Variants in XPOT observed in about 807,000 individuals in gnomAD.
XPOT encodes exportin for tRNA.
XPOT carries 34 observed loss-of-function variants against 128.2 expected under a neutral mutation model. The observed-to-expected ratio is 0.27, with a 90% CI of 0.20 to 0.35. The LOEUF (loss-of-function observed/expected upper bound fraction) is 0.35, where lower values mean the gene tolerates loss of function less well. Among genes scored for constraint, XPOT ranks in the 10% least tolerant of loss-of-function variants. The probability of loss-of-function intolerance (pLI) is 1.00; values close to 1 mark genes in which losing one functional copy is unlikely to be tolerated. For missense variants in XPOT, 838 were observed against 1,125.3 expected (o/e 0.74, Z 3.65); for synonymous variants, 348 against 394.3 (o/e 0.88, Z 1.39).
In XPOT at chr12:64,420,412, A is replaced by G; in HGVS notation, c.734A>G (p.Asp245Gly). ...GAAGTTCTACGGGAAGAAGCATGTGACTGTTTATTTGAAGTTGTAAATAAA... is the reference window on the plus strand; with the variant it reads ...GAAGTTCTACGGGAAGAAGCATGTGGCTGTTTATTTGAAGTTGTAAATAAA... ...SIEVLREEAC[D>G]CLFEVVNKGM... The change falls in exon 8 of 25, where the codon GAC (aspartate) becomes GGC (glycine). Residue 245 changes from aspartate (D) to glycine (G), a missense_variant. Around this residue, in one of 3 missense-constraint regions of XPOT, gnomAD observed 761 missense variants for 988.3 expected, o/e 0.77. Transcript: ENST00000332707. The G allele has an allele frequency of 6.2e-7, 1 of 1,613,860 alleles. No individual in the cohort carries two copies.
chr12:64,421,644 A>G (rs773008645), intron 9 of XPOT, among the ~76,000 whole-genome samples, 173 bp downstream of exon 9: 3 of 152,066 alleles, frequency 2.0e-5, no homozygotes, highest in Middle Eastern at 3.4e-3. Flanking sequence ...TTGGCCAGAA[A>G]ATAGTTTCAG....
In XPOT at chr12:64,410,108, G is replaced by A; in HGVS notation, c.60+13G>A. ...CTTTAGACAAAGGGTAAGTTACTCT[G>A]CTGAATCATTTTTTAATCATGTCAC... On this transcript the variant is annotated intron_variant, in intron 2 of 24. Coordinates refer to ENST00000332707, the MANE Select transcript of XPOT (RefSeq NM_007235.6). The A allele has an allele frequency of 6.2e-7, 1 of 1,612,858 alleles. No individual in the cohort carries two copies. Among genetic ancestry groups the A allele is most frequent in the South Asian group, 1.1e-5 (1 of 91,028 alleles).
In XPOT at chr12:64,431,735, C is replaced by G. The variant is rs556337697; in HGVS notation, c.2174C>G (p.Ser725Cys). ...LEEEVLPFIP[S>C]ASEHMLKDCE... ...GAAGAAGTTCTTCCGTTCATTCCATCTGCTTCAGAACATATGCTCAAAGAT... is the reference window on the plus strand; with the variant it reads ...GAAGAAGTTCTTCCGTTCATTCCATGTGCTTCAGAACATATGCTCAAAGAT... The change falls in exon 18 of 25, where the codon TCT (serine) becomes TGT (cysteine). Residue 725 changes from serine (S) to cysteine (C), a missense_variant. Physicochemically the swap from Ser to Cys is moderately radical, Grantham distance 112 (BLOSUM62 -1). Transcript: ENST00000332707. 77 of 1,614,098 alleles carry G rather than the reference C, an allele frequency of 4.8e-5. 1 individual carries two copies. The South Asian group carries it at 7.9e-4, about 17-fold the overall frequency.
At chr12:64,437,378 C>T (rs1312986573) in intron 22 of XPOT, among the ~76,000 whole-genome samples, 4 of 152,168 alleles carry the variant, frequency 2.6e-5, no homozygotes, top group Non-Finnish European at 4.4e-5. Context: ...GCAATCTAAG[C>T]AAGCTATAGG....
chr12:64,439,346 G>GA (rs748035270), intron 23 of XPOT, 31 bp downstream of exon 23: 1 of 1,587,840 alleles, frequency 6.3e-7, no homozygotes, highest in South Asian at 1.1e-5. Flanking sequence ...TTGTGTAGGC[G>GA]AGAGATCACA....
At chr12:64,437,399 T>C (rs886826576) in intron 22 of XPOT, among the ~76,000 whole-genome samples, 2 of 152,214 alleles carry the variant, frequency 1.3e-5, no homozygotes, top group Non-Finnish European at 2.9e-5. Context: ...AAAGAGGTGA[T>C]ATTTTTGATG....
chr12:64,425,026 A>G lies in XPOT; in HGVS notation c.1308-12A>G. 1 of 1,612,228 alleles carries G rather than the reference A, an allele frequency of 6.2e-7. No individual in the cohort carries two copies. Among genetic ancestry groups the G allele is most frequent in the East Asian group, 2.2e-5 (1 of 44,866 alleles). On this transcript the variant is annotated splice_polypyrimidine_tract_variant and intron_variant, in intron 12 of 24. Transcript: ENST00000332707. ...TATCTTTAAATCTCACTGACATATT[A>G]TACCTTGGTAGGAATTGGCAGACTA...
intron 1 of XPOT, among the ~76,000 whole-genome samples, chr12:64,408,404 G>A (rs762278795): frequency 4.6e-5 from 7 of 152,106 alleles, no homozygotes; most frequent in Non-Finnish European, 8.8e-5. Flanking sequence ...CAGCACGCCT[G>A]GCCCCCCACA....
rs2040297804 is a variant in XPOT at position 64,438,143 on chromosome 12, T to C, written c.2734-1101T>C. Among the ~76,000 whole-genome samples, 6 of 152,338 alleles carry C rather than the reference T, an allele frequency of 3.9e-5. No individual in the cohort carries two copies. In the South Asian group the frequency reaches 1.2e-3, roughly 32 times the overall value. On this transcript the variant is annotated intron_variant, in intron 22 of 24. Transcript: ENST00000332707. The stretch of plus-strand genomic sequence containing the variant: ...ATGAAAGGAAACAGTAAGGATGGTA[T>C]TTCTACTTCAGAAGTATTTGTTTTA...
intron 21 of XPOT, 123 bp from the exon 22 acceptor site, chr12:64,435,504 T>C: frequency 9.3e-6 from 7 of 752,420 alleles, no homozygotes; most frequent in Non-Finnish European, 1.1e-5. Context: ...TTCTCTGGAG[T>C]TAAATATTTC....
intron 22 of XPOT, among the ~76,000 whole-genome samples, chr12:64,438,526 G>A (rs1244160286): frequency 6.6e-6 from 1 of 152,116 alleles, no homozygotes; most frequent in Non-Finnish European, 1.5e-5. Context: ...TTAGATCCAA[G>A]GTGAAGGAGG....
chr12:64,427,116 C>A (rs1161578637), intron 15 of XPOT, among the ~76,000 whole-genome samples: 1 of 148,370 alleles, frequency 6.7e-6, no homozygotes, highest in Non-Finnish European at 1.5e-5. Context: ...GTACTCCCGA[C>A]CTTTTTTTTT....
chr12:64,434,518 G>A lies in XPOT; in HGVS notation c.2464G>A (p.Val822Ile). ...EVIANQGAENVERVLVTVIQG... is the reference protein window; with the variant it reads ...EVIANQGAENIERVLVTVIQG... The stretch of plus-strand genomic sequence containing the variant: ...GTTTTTCTCCTCAGGTGCAGAGAAT[G>A]TAGAAAGAGTGTTGGTTACTGTTAT... Residue 822 changes from valine to isoleucine, a missense_variant, in exon 20 of 25, where the codon GTA (valine) becomes ATA (isoleucine). Val to Ile is a conservative substitution (Grantham distance 29). Coordinates refer to ENST00000332707, the MANE Select transcript of XPOT (RefSeq NM_007235.6). The A allele has an allele frequency of 6.2e-7, 1 of 1,613,284 alleles. No individual in the cohort carries two copies. Among genetic ancestry groups the A allele is most frequent in the South Asian group, 1.1e-5 (1 of 91,014 alleles).
rs376049038 is a variant in XPOT, at chr12:64,420,238, C to G, written c.658C>G (p.Leu220Val). 3 of 1,598,612 alleles carry G rather than the reference C, an allele frequency of 1.9e-6. No individual in the cohort carries two copies. The highest frequency in any genetic ancestry group is 2.7e-5 in the African/African-American group (2 of 74,020). ...GAYVSWIDLSLIANDRFINML... is the reference protein window; with the variant it reads ...GAYVSWIDLSVIANDRFINML... ...TTATGTCTCTTGGATAGACTTATCC[C>G]TTATAGCCAATGATAGGTAAGTATG... Residue 220 changes from leucine (L) to valine (V), a missense_variant, in exon 7 of 25, where the codon CTT becomes GTT. By Grantham distance (32) the Leu-to-Val change is conservative. Transcript: ENST00000332707.
intron 15 of XPOT, among the ~76,000 whole-genome samples, chr12:64,427,272 G>T (rs1016385300): frequency 6.6e-6 from 1 of 151,418 alleles, no homozygotes; most frequent in Admixed American, 6.6e-5. Context: ...GGTGTCCATC[G>T]CCACACCCGG....
chr12:64,428,519 A>T (rs1483448096), intron 16 of XPOT, among the ~76,000 whole-genome samples: 2 of 152,146 alleles, frequency 1.3e-5, no homozygotes, highest in African/African-American at 4.8e-5. Context: ...AGCAGCTGCT[A>T]CTGTTAGATC....
In XPOT at chr12:64,448,125, G is replaced by A; in HGVS notation, c.2883G>A (p.Lys961=). ...TACAGGTGTTCTTCCAGAGAGCAAAGCCCTGAGGACTGGATTTCCCTGTGC... is the reference window on the plus strand; with the variant it reads ...TACAGGTGTTCTTCCAGAGAGCAAAACCCTGAGGACTGGATTTCCCTGTGC... The part of the protein sequence containing the change: ...NYLKVFFQRA[K]P Residue 961 remains lysine, a synonymous_variant, in exon 25 of 25, where the codon AAG becomes AAA. Coordinates refer to ENST00000332707, the MANE Select transcript of XPOT (RefSeq NM_007235.6). The A allele has an allele frequency of 6.2e-7, 1 of 1,613,918 alleles. No homozygotes were observed. The highest frequency in any genetic ancestry group is 8.5e-7 in the Non-Finnish European group (1 of 1,179,888).
At chr12:64,424,809 T>C (rs2040175139) in intron 12 of XPOT, 86 bp downstream of exon 12, 2 of 1,511,974 alleles carry the variant, frequency 1.3e-6, no homozygotes, top group Admixed American at 1.9e-5. Flanking sequence ...ATATGACTTA[T>C]TAATCCATGT....
At chr12:64,442,587 CT>C (rs2040334687) in intron 23 of XPOT, 1 of 152,348 alleles carries the variant, frequency 6.6e-6, no homozygotes, top group Non-Finnish European at 1.5e-5. Context: ...GGCACCTGCC[CT>C]TTAACTTCAC....
Sources: gnomAD v4.1 joint callset for allele counts (sites outside exome capture counted in the v4.1 genomes callset) on GRCh38, gnomAD v4.1.1 for gene constraint, gnomAD v4.1.1 regional missense constraint, MANE v1.5 for transcripts, NCBI Gene and HGNC (gene_info 2026-07-23, HGNC 2026-07-21) for gene names.